The following PLEKHG1 variants were observed in gnomAD, a reference collection of about 807,000 sequenced individuals.
PLEKHG1 encodes the protein pleckstrin homology domain-containing family G member 1.
In PLEKHG1, 44 loss-of-function variants were observed where a neutral mutation model predicts 100.8. The ratio of observed to expected loss-of-function variants is 0.44; its 90% CI spans 0.34 to 0.56. The LOEUF is 0.56. PLEKHG1 is among the 20% of genes least tolerant of loss of function. The pLI, the probability that PLEKHG1 is intolerant of heterozygous loss-of-function variation, is 0.01. For synonymous variants in PLEKHG1, 640 were observed against 662.5 expected, an observed-to-expected ratio of 0.97 and a Z score of 0.52; for missense variants, 1,545 against 1,720.9, an observed-to-expected ratio of 0.90 and a Z score of 1.81.
chr6:150,831,327 A>G lies in PLEKHG1; in HGVS notation c.2216A>G (p.Glu739Gly). 1 of 1,614,124 alleles carries G rather than the reference A, an allele frequency of 6.2e-7. No homozygotes were observed. The highest frequency in any genetic ancestry group is 1.1e-5 in the South Asian group (1 of 91,086). The change falls in exon 15 of 16, where the codon GAG becomes GGG. Residue 739 changes from glutamate to glycine, a missense_variant. Glu to Gly is a moderately conservative substitution (Grantham distance 98). Coordinates refer to ENST00000358517, the Ensembl canonical transcript of PLEKHG1. This position sits in a 1 kb window ranked among gnomAD's most constrained non-coding sequence, Gnocchi z 4.1. Reference sequence around the variant, plus strand: ...ACGCATGAACTCCAAGCGGTTGAGGAGAACATCTATGACACCATAGGGCTC... The same window carrying G: ...ACGCATGAACTCCAAGCGGTTGAGGGGAACATCTATGACACCATAGGGCTC...
intron 3 of PLEKHG1, among the ~76,000 whole-genome samples, chr6:150,706,342 G>C (rs141673846): frequency 6.6e-6 from 1 of 151,746 alleles, no homozygotes; most frequent in Non-Finnish European, 1.5e-5. Flanking sequence ...GGCATGGTGC[G>C]GTGGCTTATG....
chr6:150,780,308 G>T (rs1053464531), intron 3 of PLEKHG1, among the ~76,000 whole-genome samples: 1 of 151,882 alleles, frequency 6.6e-6, no homozygotes, highest in Middle Eastern at 3.4e-3. Context: ...TAGAGACAGG[G>T]TTTCACCATA....
At chr6:150,819,323 G>C (rs1776165893) in intron 11 of PLEKHG1, among the ~76,000 whole-genome samples, 2 of 152,150 alleles carry the variant, frequency 1.3e-5, no homozygotes, top group African/African-American at 4.8e-5. Flanking sequence ...CCAGCACTTT[G>C]GGAGGCCGAG....
intron 13 of PLEKHG1, among the ~76,000 whole-genome samples, chr6:150,821,911 G>C (rs142338084): frequency 6.7e-6 from 1 of 149,044 alleles, no homozygotes; most frequent in Non-Finnish European, 1.5e-5. Flanking sequence ...GCGCGATCTC[G>C]GCTCACCTCA....
At chr6:150,699,039 G>A (rs557219009) in intron 3 of PLEKHG1, among the ~76,000 whole-genome samples, 10 of 152,190 alleles carry the variant, frequency 6.6e-5, no homozygotes, top group African/African-American at 2.4e-4. Context: ...ACCTTTTTAC[G>A]TCTTCACGAC....
intron 1 of PLEKHG1, among the ~76,000 whole-genome samples, chr6:150,635,436 C>T (rs996113809): frequency 6.6e-6 from 1 of 152,100 alleles, no homozygotes; most frequent in Non-Finnish European, 1.5e-5. Flanking sequence ...TTTGTGGATA[C>T]ACTAAGTGTA....
chr6:150,822,346 G>A (rs1033124136), intron 13 of PLEKHG1, among the ~76,000 whole-genome samples: 28 of 152,092 alleles, frequency 1.8e-4, no homozygotes, highest in African/African-American at 6.8e-4. Flanking sequence ...ACTGTTGGTG[G>A]GAGTAAGTTT....
At chr6:150,762,072 C>T (rs914382392) in intron 2 of PLEKHG1, among the ~76,000 whole-genome samples, 2 of 152,256 alleles carry the variant, frequency 1.3e-5, no homozygotes, top group African/African-American at 2.4e-5. Flanking sequence ...TGAAACCACC[C>T]GATATTTTAT....
chr6:150,752,839 C>T (rs1783597699), intron 2 of PLEKHG1, among the ~76,000 whole-genome samples: 1 of 152,124 alleles, frequency 6.6e-6, no homozygotes, highest in Non-Finnish European at 1.5e-5. Context: ...AGTCGTGGTA[C>T]AGTGGCTCGT....
At chr6:150,665,917 A>G (rs1253016735) in intron 3 of PLEKHG1, among the ~76,000 whole-genome samples, 1 of 152,096 alleles carries the variant, frequency 6.6e-6, no homozygotes, top group Non-Finnish European at 1.5e-5. Context: ...GGAATCCATA[A>G]TGTATAAACT....
At chr6:150,830,861 C>A (rs1353504772) in exon 15 of PLEKHG1, 1 of 1,614,158 alleles carries the variant, frequency 6.2e-7, no homozygotes, top group South Asian at 1.1e-5. Context: ...CACTTCTAGT[C>A]GCCCTTGCAG....
At chr6:150,707,980 C>T (rs1781092894) in intron 3 of PLEKHG1, among the ~76,000 whole-genome samples, 1 of 152,152 alleles carries the variant, frequency 6.6e-6, no homozygotes, top group Non-Finnish European at 1.5e-5. Context: ...GGGACCCCTG[C>T]CCCGGATATT....
intron 1 of PLEKHG1, among the ~76,000 whole-genome samples, chr6:150,612,249 G>A (rs1048123544): frequency 3.9e-5 from 6 of 152,184 alleles, no homozygotes; most frequent in Admixed American, 1.3e-4. Flanking sequence ...GAAGAACTGC[G>A]AAGCCAGTGT....
intron 6 of PLEKHG1, among the ~76,000 whole-genome samples, chr6:150,803,642 A>C (rs1341375633): frequency 6.6e-6 from 1 of 152,188 alleles, no homozygotes; most frequent in African/African-American, 2.4e-5. Context: ...TTGAGTACTG[A>C]AACCATGAGA....
chr6:150,715,291 G>A (rs923165972), intron 3 of PLEKHG1, among the ~76,000 whole-genome samples: 1 of 152,076 alleles, frequency 6.6e-6, no homozygotes, highest in Non-Finnish European at 1.5e-5. Flanking sequence ...TATTTTCCGG[G>A]TTTAGAGTAG....
intron 1 of PLEKHG1, among the ~76,000 whole-genome samples, chr6:150,632,100 A>G (rs562447808): frequency 3.7e-4 from 56 of 152,364 alleles, no homozygotes; most frequent in African/African-American, 1.2e-3. Context: ...CAAAAGGTCA[A>G]CAGTTTAAAA....
chr6:150,606,578 C>A (rs542799572), intron 1 of PLEKHG1, among the ~76,000 whole-genome samples: 1 of 152,284 alleles, frequency 6.6e-6, no homozygotes, highest in East Asian at 1.9e-4. Context: ...TTTGCTTTTT[C>A]TGACCACCCT....
chr6:150,612,621 C>T (rs1237705880), intron 1 of PLEKHG1, among the ~76,000 whole-genome samples: 1 of 152,140 alleles, frequency 6.6e-6, no homozygotes, highest in Non-Finnish European at 1.5e-5. Flanking sequence ...GTTTGAGCCA[C>T]CACGCCCAGC....
chr6:150,708,594 C>T (rs1043703406), intron 3 of PLEKHG1, among the ~76,000 whole-genome samples: 2 of 152,202 alleles, frequency 1.3e-5, no homozygotes, highest in Non-Finnish European at 2.9e-5. Flanking sequence ...TATGGAGGCT[C>T]ATCCAGGACA....
Sources: gnomAD v4.1 joint callset for allele counts (sites outside exome capture counted in the v4.1 genomes callset) on GRCh38, gnomAD v4.1.1 for gene constraint, Gnocchi (gnomAD v3.1) non-coding constraint, MANE v1.5 for transcripts, NCBI Gene and HGNC (gene_info 2026-07-23, HGNC 2026-07-21) for gene names.